Variants in NCKAP5 observed in about 807,000 individuals in gnomAD.
NCKAP5 encodes nck-associated protein 5.
Under a neutral mutation model 167.0 loss-of-function variants are expected in NCKAP5, and 92 were observed. The observed-to-expected ratio is 0.55, with a 90% CI of 0.47 to 0.66. NCKAP5 has a LOEUF of 0.66. Among genes scored for constraint, NCKAP5 ranks in the 30% least tolerant of loss-of-function variants. The pLI is 0.00. For missense variants in NCKAP5, 2,378 were observed against 2,315.0 expected, an observed-to-expected ratio of 1.03 and a Z score of -0.56; for synonymous variants, 891 against 877.4, an observed-to-expected ratio of 1.02 and a Z score of -0.27.
chr2:133,497,635 T>C (rs1229178483), intron 3 of NCKAP5, among the ~76,000 whole-genome samples: 1 of 152,210 alleles, frequency 6.6e-6, no homozygotes, highest in African/African-American at 2.4e-5. Context: ...TTGTCCTGTG[T>C]AACAGAAAGC....
intron 6 of NCKAP5, among the ~76,000 whole-genome samples, chr2:133,084,906 C>G (rs1348888258): frequency 6.6e-6 from 1 of 152,100 alleles, no homozygotes; most frequent in Non-Finnish European, 1.5e-5. Flanking sequence ...ACAGTAAATC[C>G]AAATATGATC....
intron 3 of NCKAP5, among the ~76,000 whole-genome samples, chr2:133,415,283 C>G (rs1207213446): frequency 6.6e-6 from 1 of 152,256 alleles, no homozygotes; most frequent in Non-Finnish European, 1.5e-5. Flanking sequence ...AATCTGACCA[C>G]AGTCATGCAT....
intron 3 of NCKAP5, among the ~76,000 whole-genome samples, chr2:133,437,728 C>G (rs1348089038): frequency 1.3e-5 from 2 of 152,186 alleles, no homozygotes; most frequent in East Asian, 3.9e-4. Flanking sequence ...GTGAATTTTG[C>G]TCCTCCACTG....
intron 3 of NCKAP5, among the ~76,000 whole-genome samples, chr2:133,312,483 T>TCTTG (rs1681312309): frequency 6.6e-6 from 1 of 152,184 alleles, no homozygotes; most frequent in Non-Finnish European, 1.5e-5. Context: ...GGTGAACACG[T>TCTTG]GCCTGAGTTC....
At chr2:132,773,941 A>T in intron 15 of NCKAP5, 47 bp from the exon 16 acceptor site, 1 of 1,534,206 alleles carries the variant, frequency 6.5e-7, no homozygotes, top group Non-Finnish European at 9.0e-7. Context: ...TTTTATTAAA[A>T]AGATCCTTTT....
At chr2:132,989,341 T>A (rs1317451019) in intron 7 of NCKAP5, among the ~76,000 whole-genome samples, 2 of 152,232 alleles carry the variant, frequency 1.3e-5, no homozygotes, top group African/African-American at 4.8e-5. Context: ...ATTTACTTAA[T>A]TAAATGAAAT....
chr2:133,603,997 G>A, the NCKAP5 span, among the ~76,000 whole-genome samples: 6 of 152,234 alleles, frequency 3.9e-5, no homozygotes, highest in Non-Finnish European at 7.3e-5. Context: ...CCTTACTGCT[G>A]TGAGTCCTGG....
intron 3 of NCKAP5, among the ~76,000 whole-genome samples, chr2:133,335,748 G>A (rs1683169599): frequency 6.6e-6 from 1 of 152,102 alleles, no homozygotes; most frequent in Non-Finnish European, 1.5e-5. Flanking sequence ...TCAATTGCCT[G>A]TTATGAAAAT....
At chr2:133,452,171 T>G (rs566368473) in intron 3 of NCKAP5, among the ~76,000 whole-genome samples, 1 of 152,170 alleles carries the variant, frequency 6.6e-6, no homozygotes, top group Admixed American at 6.5e-5. Flanking sequence ...AAATACCATG[T>G]CAAATGCAGC....
At chr2:133,098,160 A>G (rs2081399724) in intron 6 of NCKAP5, among the ~76,000 whole-genome samples, 1 of 152,236 alleles carries the variant, frequency 6.6e-6, no homozygotes, top group African/African-American at 2.4e-5. Flanking sequence ...CTGAAATACC[A>G]GCATAAATAC....
upstream of NCKAP5, among the ~76,000 whole-genome samples, chr2:133,572,962 T>C (rs1688920692): frequency 6.6e-6 from 1 of 152,208 alleles, no homozygotes; most frequent in South Asian, 2.1e-4. Flanking sequence ...ATAAAGATCA[T>C]GTAGTTTTGT....
chr2:133,622,211 CT>C, the NCKAP5 span, among the ~76,000 whole-genome samples: 1 of 152,052 alleles, frequency 6.6e-6, no homozygotes, highest in African/African-American at 2.4e-5. Context: ...AGCACTCCCC[CT>C]GAGAACTAGA....
intron 3 of NCKAP5, among the ~76,000 whole-genome samples, chr2:133,360,506 T>C (rs115364630): frequency 3.9e-5 from 6 of 152,220 alleles, no homozygotes; most frequent in African/African-American, 1.2e-4. Flanking sequence ...AGTGAGATGC[T>C]CTGGAAGAGG....
At chr2:133,472,999 C>T (rs561345777) in intron 3 of NCKAP5, among the ~76,000 whole-genome samples, 1 of 152,082 alleles carries the variant, frequency 6.6e-6, no homozygotes, top group Admixed American at 6.5e-5. Flanking sequence ...AATTTCTTAC[C>T]ACTGCAACCA....
chr2:132,775,507 T>C (rs1682470686), intron 15 of NCKAP5, among the ~76,000 whole-genome samples: 1 of 152,208 alleles, frequency 6.6e-6, no homozygotes, highest in Admixed American at 6.5e-5. Flanking sequence ...TGTGGGCATT[T>C]CCCTGTTTGT....
chr2:133,589,654 G>A, the NCKAP5 span, among the ~76,000 whole-genome samples: 1 of 152,176 alleles, frequency 6.6e-6, no homozygotes, highest in Non-Finnish European at 1.5e-5. Flanking sequence ...GTAATGTTCA[G>A]GCACATTATA....
Position 133,420,747 on chromosome 2 carries a change from C to T in NCKAP5, c.69+96711G>A, listed in dbSNP as rs57064532. ...ATTTTATTCAAGCCTCACAGCAAAC[C>T]GCCAGGAGGTTTTATTCTGTCCATT... On this transcript the variant is annotated intron_variant, in intron 3 of 19. Transcript: ENST00000409261. Among the ~76,000 whole-genome samples, 1,346 of 152,134 alleles carry T rather than the reference C, an allele frequency of 8.8e-3. 27 individuals carry two copies. The highest frequency in any genetic ancestry group is 0.03 in the African/African-American group (1,260 of 41,498).
At chr2:133,630,989 A>G in the NCKAP5 span, among the ~76,000 whole-genome samples, 1 of 152,228 alleles carries the variant, frequency 6.6e-6, no homozygotes, top group Non-Finnish European at 1.5e-5. Flanking sequence ...AGTATCATTT[A>G]TGTTAATAAA....
intron 19 of NCKAP5, among the ~76,000 whole-genome samples, chr2:132,678,294 A>T (rs570131207): frequency 6.6e-6 from 1 of 152,210 alleles, no homozygotes; most frequent in South Asian, 2.1e-4. Context: ...TTATTGTTCT[A>T]TGATAAATGC....
Sources: allele counts gnomAD v4.1 joint callset (sites outside exome capture counted in the v4.1 genomes callset), GRCh38; gene constraint gnomAD v4.1.1; transcripts MANE v1.5; gene names NCBI Gene and HGNC (gene_info 2026-07-23, HGNC 2026-07-21).